Variants in KNTC1 observed in about 807,000 individuals in gnomAD.
KNTC1 encodes the protein kinetochore-associated protein 1.
KNTC1 carries 253 observed loss-of-function variants against 314.4 expected under a neutral mutation model. The ratio of observed to expected loss-of-function variants is 0.80; its 90% CI spans 0.73 to 0.89. The LOEUF is 0.89. KNTC1 is among the 40% of genes least tolerant of loss of function. The pLI is 0.00. For missense variants in KNTC1, 2,475 were observed against 2,572.9 expected (o/e 0.96, Z 0.82); for synonymous variants, 901 against 901.4 (o/e 1.00, Z 0.01).
chr12:122,554,162 C>T (rs1264636457), intron 16 of KNTC1, among the ~76,000 whole-genome samples: 7 of 147,832 alleles, frequency 4.7e-5, no homozygotes, highest in African/African-American at 1.7e-4. Flanking sequence ...AACTCGTGAC[C>T]GCAAGTAATC....
At chr12:122,609,531 A>T (rs1039684878) in intron 52 of KNTC1, 101 bp downstream of exon 52, 27 of 752,506 alleles carry the variant, frequency 3.6e-5, no homozygotes, top group Non-Finnish European at 5.7e-5. Context: ...GGCTTTCTTG[A>T]TAAAACTCAG....
At chr12:122,565,590 TA>T (rs1363869857) in intron 20 of KNTC1, among the ~76,000 whole-genome samples, 1 of 152,032 alleles carries the variant, frequency 6.6e-6, no homozygotes, top group Non-Finnish European at 1.5e-5. Context: ...ACCGCAAGAT[TA>T]AAAATAAATT....
At position 122,576,941 on chromosome 12, in the gene KNTC1, A is replaced by C. The variant is rs749282000; in HGVS notation, c.2633A>C (p.Glu878Ala). 5.0e-6 allele frequency: 8 copies of C among 1,600,964 alleles called. No individual in the cohort carries two copies. Among genetic ancestry groups the C allele is most frequent in the Non-Finnish European group, 6.8e-6 (8 of 1,173,516 alleles). ...ILKQDVPSSLEDALKVAQAFM... is the reference protein window; with the variant it reads ...ILKQDVPSSLADALKVAQAFM... ...AAACAAGATGTCCCATCTTCTTTAG[A>C]AGATGCTTTAAAGGTAGCCCAAGCG... Residue 878 changes from glutamate to alanine, a missense_variant, in exon 30 of 64, where the codon GAA becomes GCA. Physicochemically the swap from Glu to Ala is moderately radical, Grantham distance 107. Coordinates refer to ENST00000333479, the MANE Select transcript of KNTC1 (RefSeq NM_014708.6).
At chr12:122,588,407 A>C (rs1398963222) in intron 39 of KNTC1, among the ~76,000 whole-genome samples, 1 of 152,208 alleles carries the variant, frequency 6.6e-6, no homozygotes, top group African/African-American at 2.4e-5. Context: ...TATGTATTAA[A>C]TGCTGACTCT....
intron 9 of KNTC1, 62 bp downstream of exon 9, chr12:122,546,331 T>C (rs963525499): frequency 1.7e-5 from 18 of 1,034,628 alleles, no homozygotes; most frequent in Non-Finnish European, 2.4e-5. Flanking sequence ...TTTATGTCAG[T>C]GTACTTAGAC....
Position 122,538,370 on chromosome 12 carries a change from A to G in KNTC1, c.282A>G (p.Gln94=), listed in dbSNP as rs1244605340. 10 of 1,604,266 alleles carry G rather than the reference A, an allele frequency of 6.2e-6. No homozygotes were observed. Among genetic ancestry groups the G allele is most frequent in the South Asian group, 1.1e-5 (1 of 88,794 alleles). Residue 94 remains glutamine, a synonymous_variant, in exon 4 of 64, where the codon CAA becomes CAG. Coordinates refer to ENST00000333479, the MANE Select transcript of KNTC1 (RefSeq NM_014708.6). ...AAGTGGATGTAGTTGGCCTTTGTCA[A>G]GAAGGAAAGTTTCTTTTGGTTGGCG... The part of the protein sequence containing the change: ...DTEVDVVGLC[Q]EGKFLLVGER...
intron 21 of KNTC1, among the ~76,000 whole-genome samples, chr12:122,569,117 C>T (rs1190394183): frequency 1.3e-5 from 2 of 152,070 alleles, no homozygotes; most frequent in African/African-American, 2.4e-5. Flanking sequence ...ACCCCCTTGA[C>T]AAAAGTTTAC....
In KNTC1 at chr12:122,620,548, T is replaced by C; in HGVS notation, c.6219T>C (p.Ala2073=). 1 of 1,613,646 alleles carries C rather than the reference T, an allele frequency of 6.2e-7. No individual in the cohort carries two copies. ...ARQYIQLELP[A]FALACLMLMP... ...AGTATATCCAGTTAGAACTTCCGGC[T>C]TTTGCATTAGCTTGTCTGATGCTCA... Residue 2073 remains alanine (A), a synonymous_variant, in exon 60 of 64, where the codon GCT becomes GCC. Coordinates refer to ENST00000333479, the MANE Select transcript of KNTC1 (RefSeq NM_014708.6).
At chr12:122,551,218 C>A in intron 13 of KNTC1, 101 bp from the exon 14 acceptor site, 1 of 765,296 alleles carries the variant, frequency 1.3e-6, no homozygotes, top group Non-Finnish European at 2.2e-6. Context: ...TTTTAAAGTC[C>A]ATTGATGGAT....
chr12:122,566,742 C>T (rs1452236735), intron 20 of KNTC1, among the ~76,000 whole-genome samples: 1 of 145,088 alleles, frequency 6.9e-6, no homozygotes, highest in Non-Finnish European at 1.5e-5. Flanking sequence ...CGGATTTTGC[C>T]ATGTTGTCCA....
At chr12:122,534,618 A>T (rs1480886026) in intron 2 of KNTC1, 46 bp from the exon 3 acceptor site, 3 of 1,535,740 alleles carry the variant, frequency 2.0e-6, no homozygotes, top group African/African-American at 2.7e-5. Flanking sequence ...ATTATTAAAC[A>T]CATATAAAAA....
At chr12:122,583,193 C>G (rs1484501836) in intron 34 of KNTC1, among the ~76,000 whole-genome samples, 1 of 152,030 alleles carries the variant, frequency 6.6e-6, no homozygotes, top group Non-Finnish European at 1.5e-5. Context: ...TGCCTATAGT[C>G]CCAGCTACTG....
chr12:122,621,633 C>G (rs1352146752), intron 60 of KNTC1, among the ~76,000 whole-genome samples: 1 of 152,244 alleles, frequency 6.6e-6, no homozygotes, highest in Non-Finnish European at 1.5e-5. Context: ...CTGCGCCCAG[C>G]TGAACATGCA....
chr12:122,602,533 A>AAATC, intron 45 of KNTC1, 36 bp from the exon 46 acceptor site: 2 of 1,313,748 alleles, frequency 1.5e-6, no homozygotes, highest in Non-Finnish European at 2.1e-6. Flanking sequence ...GGATTGGGTT[A>AAATC]CTCTTACTGG....
chr12:122,532,238 C>T (rs1389931543), intron 2 of KNTC1, among the ~76,000 whole-genome samples: 1 of 122,568 alleles, frequency 8.2e-6, no homozygotes, highest in Non-Finnish European at 1.6e-5. Flanking sequence ...GAGACGAACT[C>T]TTGCTCTGTC....
At position 122,586,770 on chromosome 12, in the gene KNTC1, A is replaced by G. The variant is rs774339532; in HGVS notation, c.3730+13A>G. 4.3e-6 allele frequency: 5 copies of G among 1,152,376 alleles called. No individual in the cohort carries two copies. The highest frequency in any genetic ancestry group is 6.0e-6 in the Non-Finnish European group (5 of 829,386). The allele number at this position is 1,152,376 out of a possible 1,614,324, so 71.4% of individuals were successfully genotyped here. On this transcript the variant is annotated intron_variant, in intron 38 of 63. Coordinates refer to ENST00000333479, the MANE Select transcript of KNTC1 (RefSeq NM_014708.6). Reference sequence around the variant, plus strand: ...TCCCTTAATGAAGGTATTTGGCACAAGAAATATATAGCATTCTATTAATAT... The same window carrying G: ...TCCCTTAATGAAGGTATTTGGCACAGGAAATATATAGCATTCTATTAATAT...
intron 2 of KNTC1, among the ~76,000 whole-genome samples, chr12:122,531,427 G>A (rs1258549175): frequency 1.3e-5 from 2 of 152,060 alleles, no homozygotes; most frequent in Non-Finnish European, 2.9e-5. Flanking sequence ...TGAACTCCTG[G>A]CCTCAAGTGA....
Position 122,577,011 on chromosome 12 carries a change from C to T in KNTC1, c.2703C>T (p.Asp901=). The change falls in exon 30 of 64, where the codon GAC becomes GAT. Residue 901 remains aspartate, a synonymous_variant. Transcript: ENST00000333479. The part of the protein sequence containing the change: ...DDEIYSLRII[D]LIDREQGEDC... ...AGATCTACAGTCTAAGAATTATTGA[C>T]CTGATTGATAGAGAACAGGTTTGTA... The T allele has an allele frequency of 6.4e-7, 1 of 1,559,544 alleles. No homozygotes were observed. The highest frequency in any genetic ancestry group is 8.7e-7 in the Non-Finnish European group (1 of 1,153,198).
At position 122,591,378 on chromosome 12, in the gene KNTC1, G is replaced by A. The variant is rs1870175454; in HGVS notation, c.4170G>A (p.Gln1390=). ...LVGSELASLY[Q]EIEMGLKFRE... ...GCTCTGAGCTGGCAAGTCTCTATCA[G>A]GAAATAGAAATGGGGCTTAAGTTCC... Residue 1390 remains glutamine, a synonymous_variant, in exon 42 of 64, where the codon CAG becomes CAA. Transcript: ENST00000333479. 1 of 1,611,512 alleles carries A rather than the reference G, an allele frequency of 6.2e-7. No individual in the cohort carries two copies. The highest frequency in any genetic ancestry group is 2.2e-5 in the East Asian group (1 of 44,842).
Sources: gnomAD v4.1 joint callset for allele counts (sites outside exome capture counted in the v4.1 genomes callset) on GRCh38, gnomAD v4.1.1 for gene constraint, MANE v1.5 for transcripts, NCBI Gene and HGNC (gene_info 2026-07-23, HGNC 2026-07-21) for gene names.